The following DPY19L4 variants were observed in gnomAD, a reference collection of about 807,000 sequenced individuals.
DPY19L4 encodes dpy-19 like 4.
In DPY19L4, 97 loss-of-function variants were observed where a neutral mutation model predicts 102.8. The ratio of observed to expected loss-of-function variants is 0.94; its 90% confidence interval spans 0.80 to 1.12. The LOEUF (loss-of-function observed/expected upper bound fraction) is 1.12. DPY19L4 is among the 50% of genes most tolerant of loss of function. The pLI, the probability that DPY19L4 is intolerant of heterozygous loss-of-function variation, is 0.00. For missense variants in DPY19L4, 815 were observed against 850.4 expected, an observed-to-expected ratio of 0.96 and a Z score of 0.52; for synonymous variants, 252 against 283.1, an observed-to-expected ratio of 0.89 and a Z score of 1.10.
Position 94,734,640 on chromosome 8 carries a change from T to G in DPY19L4, c.138T>G (p.Phe46Leu). 4 of 1,613,526 alleles carry G rather than the reference T, an allele frequency of 2.5e-6. No homozygotes were observed. Among genetic ancestry groups the G allele is most frequent in the Non-Finnish European group, 3.4e-6 (4 of 1,179,716 alleles). Reference protein sequence around the residue: ...IPERAPKHVLFQRFAKIFIGC... With the variant: ...IPERAPKHVLLQRFAKIFIGC... ...AATATACTTTTTCAGATGTATTATTTCAACGCTTTGCAAAGATTTTCATTG... is the reference window on the plus strand; with the variant it reads ...AATATACTTTTTCAGATGTATTATTGCAACGCTTTGCAAAGATTTTCATTG... Residue 46 changes from phenylalanine (F) to leucine (L), a missense_variant, in exon 3 of 19, where the codon TTT (phenylalanine) becomes TTG (leucine). Transcript: ENST00000414645.
In DPY19L4 at chr8:94,751,121, T is replaced by TC. The variant is rs35827616; in HGVS notation, c.612-4915_612-4914insC. Among the ~76,000 whole-genome samples, 40 of 115,226 alleles carry TC rather than the reference T, an allele frequency of 3.5e-4. 1 individual carries two copies. Among genetic ancestry groups the TC allele is most frequent in the Admixed American group, 5.0e-4 (6 of 12,110 alleles). 75.6% of individuals were successfully genotyped at this position (115,226 alleles called of 152,430 possible). On this transcript the variant is annotated intron_variant, in intron 6 of 18. Transcript: ENST00000414645. ...CTAATACCTCCCTCTTTTCTTTCTT[T>TC]TCTTTTTTTTTTTTTGAGACAGAGT... is the stretch of plus-strand genomic sequence containing the variant.
chr8:94,775,204 G>A (rs1480093872), intron 13 of DPY19L4, among the ~76,000 whole-genome samples: 2 of 150,836 alleles, frequency 1.3e-5, no homozygotes, highest in African/African-American at 4.9e-5. Flanking sequence ...TTTGAGACAG[G>A]GTCCTGTTCT....
At chr8:94,759,183 G>C (rs991516049) in intron 7 of DPY19L4, among the ~76,000 whole-genome samples, 2 of 152,184 alleles carry the variant, frequency 1.3e-5, no homozygotes, top group African/African-American at 4.8e-5. Context: ...GGGGACCCAA[G>C]TGGTTTGCCA....
At chr8:94,788,085 A>T in intron 18 of DPY19L4, 33 bp downstream of exon 18, 1 of 1,070,222 alleles carries the variant, frequency 9.3e-7, no homozygotes, top group Middle Eastern at 3.9e-4. Flanking sequence ...ATATATATGT[A>T]TATATATATA....
chr8:94,783,609 A>T, intron 16 of DPY19L4, 61 bp from the exon 17 acceptor site: 1 of 1,571,174 alleles, frequency 6.4e-7, no homozygotes. Flanking sequence ...GTTGATATAG[A>T]TCAGTGATCT....
At chr8:94,772,170 A>C (rs1490857624) in intron 13 of DPY19L4, among the ~76,000 whole-genome samples, 1 of 152,100 alleles carries the variant, frequency 6.6e-6, no homozygotes, top group African/African-American at 2.4e-5. Flanking sequence ...ATTCTGCACA[A>C]GTTTTTAGTT....
At chr8:94,733,764 A>G (rs1811073073) in intron 2 of DPY19L4, among the ~76,000 whole-genome samples, 1 of 151,536 alleles carries the variant, frequency 6.6e-6, no homozygotes, top group African/African-American at 2.4e-5. Context: ...CTGGTCTCGA[A>G]CTCCTGACTT....
intron 14 of DPY19L4, among the ~76,000 whole-genome samples, chr8:94,778,955 G>A (rs1332646582): frequency 6.6e-6 from 1 of 152,196 alleles, no homozygotes; most frequent in African/African-American, 2.4e-5. Flanking sequence ...ATGCTGCGGA[G>A]CTGGCTCTCA....
At chr8:94,751,179 C>T (rs753143918) in intron 6 of DPY19L4, among the ~76,000 whole-genome samples, 110 of 148,528 alleles carry the variant, frequency 7.4e-4, no homozygotes, top group South Asian at 1.9e-3. Context: ...AGTGCAGTGG[C>T]GTGATCTCGG....
chr8:94,764,299 C>T (rs1041710841), intron 8 of DPY19L4, among the ~76,000 whole-genome samples: 8 of 151,830 alleles, frequency 5.3e-5, no homozygotes, highest in African/African-American at 1.5e-4. Flanking sequence ...TGATAAGGGC[C>T]GGGTGTGTGG....
chr8:94,729,417 C>A (rs1287562362), intron 2 of DPY19L4, among the ~76,000 whole-genome samples: 2 of 148,532 alleles, frequency 1.3e-5, no homozygotes, highest in African/African-American at 5.0e-5. Context: ...TATAGTGAGA[C>A]CTCATCTCTA....
At chr8:94,727,679 A>C (rs1810750353) in intron 2 of DPY19L4, among the ~76,000 whole-genome samples, 1 of 152,238 alleles carries the variant, frequency 6.6e-6, no homozygotes, top group Admixed American at 6.5e-5. Context: ...TGATTCCTTC[A>C]GCATCAAATT....
intron 3 of DPY19L4, among the ~76,000 whole-genome samples, chr8:94,735,327 A>C (rs1811146020): frequency 1.3e-5 from 2 of 152,176 alleles, no homozygotes; most frequent in Non-Finnish European, 2.9e-5. Context: ...TTTTGAGCCC[A>C]AACTGGGTTT....
At position 94,792,353 on chromosome 8, in the gene DPY19L4, T is replaced by C. The variant is rs1563624990; in HGVS notation, c.*2443T>C. 6.6e-6 allele frequency: 1 copy of C among 152,176 alleles called. No individual in the cohort carries two copies. The highest frequency in any genetic ancestry group is 1.9e-4 in the East Asian group (1 of 5,138). 9.4% of individuals were successfully genotyped at this position (152,176 alleles called of 1,614,324 possible). A position where few individuals can be genotyped will look rare whatever the true frequency, so the allele number is the denominator to read the frequency against. Reference sequence around the variant, plus strand: ...ACCTCCGCCTCCCAGGTTCAAGTGATTCTCCTGCCTCAGCCTCCGGAGTAG... The same window carrying C: ...ACCTCCGCCTCCCAGGTTCAAGTGACTCTCCTGCCTCAGCCTCCGGAGTAG... On this transcript the variant is annotated 3_prime_UTR_variant, in exon 19 of 19. Transcript: ENST00000414645.
chr8:94,765,346 T>G, intron 9 of DPY19L4, 32 bp downstream of exon 9: 1 of 1,579,968 alleles, frequency 6.3e-7, no homozygotes, highest in South Asian at 1.2e-5. Context: ...TTGTTCTTAT[T>G]TTGATTTTTT....
chr8:94,780,334 A>G (rs774554087), intron 14 of DPY19L4, 25 bp from the exon 15 acceptor site: 1 of 1,444,226 alleles, frequency 6.9e-7, no homozygotes, highest in South Asian at 1.7e-5. Flanking sequence ...ATTTATTTGT[A>G]ATCCTTTTTG....
chr8:94,786,572 A>G (rs1379432185), intron 17 of DPY19L4, among the ~76,000 whole-genome samples: 2 of 150,286 alleles, frequency 1.3e-5, no homozygotes, highest in Non-Finnish European at 3.0e-5. Flanking sequence ...CTGTTTTTCA[A>G]TTTTAGAGAA....
At chr8:94,721,620 A>G (rs559304684) in intron 1 of DPY19L4, among the ~76,000 whole-genome samples, 1 of 152,324 alleles carries the variant, frequency 6.6e-6, no homozygotes, top group South Asian at 2.1e-4. Flanking sequence ...GTAGGTTCCT[A>G]TGAGTACATT....
chr8:94,781,042 T>C (rs1410553032), intron 15 of DPY19L4, 42 bp from the exon 16 acceptor site: 1 of 1,483,702 alleles, frequency 6.7e-7, no homozygotes, highest in Non-Finnish European at 9.1e-7. Context: ...ATTACTGACA[T>C]ACATCTTTTG....
Sources: allele counts gnomAD v4.1 joint callset (sites outside exome capture counted in the v4.1 genomes callset), GRCh38; gene constraint gnomAD v4.1.1; transcripts MANE v1.5; gene names NCBI Gene and HGNC (gene_info 2026-07-23, HGNC 2026-07-21).